The following MALL variants were observed in gnomAD, a reference collection of about 807,000 sequenced individuals.
MALL encodes the protein mal, T cell differentiation protein like.
Under a neutral mutation model 10.3 loss-of-function variants are expected in MALL, and 2 were observed. That is an observed-to-expected ratio of 0.19 (90% CI 0.08 to 0.61). The LOEUF is 0.61. MALL is among the 20% of genes least tolerant of loss of function. MALL has a pLI of 0.88. For missense variants in MALL, 39 were observed against 115.2 expected (o/e 0.34, Z 3.03); for synonymous variants, 27 against 51.8 (o/e 0.52, Z 2.05).
intron 1 of MALL, among the ~76,000 whole-genome samples, 175 bp downstream of exon 1, chr2:110,115,513 C>T (rs1479845702): frequency 2.0e-5 from 3 of 148,356 alleles, no homozygotes; most frequent in Admixed American, 1.3e-4. Flanking sequence ...CGGCGCGGTC[C>T]GGTCTGGGTC....
intron 1 of MALL, among the ~76,000 whole-genome samples, chr2:110,096,046 C>CA (rs1370000491): frequency 1.3e-5 from 2 of 152,126 alleles, no homozygotes; most frequent in Non-Finnish European, 2.9e-5. Context: ...GAGAAGCCGG[C>CA]AAAAAACGTG....
chr2:110,103,879 G>GGGCCA (rs1484310721), intron 1 of MALL, among the ~76,000 whole-genome samples: 2 of 152,164 alleles, frequency 1.3e-5, no homozygotes, highest in East Asian at 3.9e-4. Context: ...CAGGGATGCG[G>GGGCCA]GGCCAGGCCA....
intron 1 of MALL, among the ~76,000 whole-genome samples, chr2:110,114,958 G>A (rs977555993): frequency 6.6e-6 from 1 of 152,072 alleles, no homozygotes; most frequent in Non-Finnish European, 1.5e-5. Flanking sequence ...CGCTGCATAC[G>A]CACAGCTCTG....
chr2:110,105,374 T>G (rs1417857670), intron 1 of MALL, among the ~76,000 whole-genome samples: 1 of 152,222 alleles, frequency 6.6e-6, no homozygotes, highest in Non-Finnish European at 1.5e-5. Flanking sequence ...GGCCTTCCCT[T>G]TCCTCATGTT....
upstream of MALL, among the ~76,000 whole-genome samples, chr2:110,117,705 C>T (rs561215081): frequency 4.1e-4 from 62 of 151,748 alleles, no homozygotes; most frequent in African/African-American, 1.4e-3. Context: ...ATCATGGTTC[C>T]TCTGATCAGA....
intron 1 of MALL, chr2:110,097,363 C>T (rs1342186395): frequency 9.4e-6 from 4 of 427,516 alleles, no homozygotes; most frequent in Non-Finnish European, 1.4e-5. Context: ...ACCCTGTTCA[C>T]GTTTAAACTA....
intron 1 of MALL, among the ~76,000 whole-genome samples, chr2:110,092,699 GTAT>G (rs1176600468): frequency 3.1e-5 from 3 of 97,576 alleles, no homozygotes; most frequent in Non-Finnish European, 6.2e-5. Context: ...AAAACTTAAA[GTAT>G]AATAATAATA....
chr2:110,108,307 G>T (rs1194673057), intron 1 of MALL, among the ~76,000 whole-genome samples: 1 of 152,030 alleles, frequency 6.6e-6, no homozygotes, highest in African/African-American at 2.4e-5. Context: ...AGTGAAGGGA[G>T]AAATATTCAT....
intron 1 of MALL, among the ~76,000 whole-genome samples, chr2:110,114,488 G>C (rs927111108): frequency 6.6e-6 from 1 of 151,820 alleles, no homozygotes; most frequent in East Asian, 2.0e-4. Context: ...CTGGCACGTA[G>C]GACTCATCAG....
intron 1 of MALL, among the ~76,000 whole-genome samples, chr2:110,100,369 G>A (rs2104384640): frequency 6.6e-6 from 1 of 152,122 alleles, no homozygotes; most frequent in African/African-American, 2.4e-5. Context: ...TACTTGGAAG[G>A]CTGAGTGCGG....
chr2:110,112,346 C>T (rs1574037908), intron 1 of MALL, among the ~76,000 whole-genome samples: 1 of 152,188 alleles, frequency 6.6e-6, no homozygotes, highest in East Asian at 1.9e-4. Context: ...TGACAAAGGT[C>T]TAATATTCAG....
intron 1 of MALL, among the ~76,000 whole-genome samples, chr2:110,113,752 A>G (rs1364775677): frequency 1.3e-5 from 2 of 152,034 alleles, no homozygotes; most frequent in Non-Finnish European, 2.9e-5. Context: ...AATTAGCAAA[A>G]CTGGAGTAAG....
upstream of MALL, among the ~76,000 whole-genome samples, chr2:110,117,559 G>C (rs1395324225): frequency 1.3e-5 from 2 of 150,400 alleles, no homozygotes; most frequent in Non-Finnish European, 2.9e-5. Flanking sequence ...CATCTCTTCT[G>C]ACTGGGTCTA....
rs199685565 is a variant in MALL at position 110,115,755 on chromosome 2, G to T, written c.38C>A (p.Pro13Gln). The T allele has an allele frequency of 3.9e-6, 5 of 1,289,198 alleles. No individual in the cohort carries two copies. Among genetic ancestry groups the T allele is most frequent in the East Asian group, 2.9e-5 (1 of 34,250 alleles). 79.9% of individuals were successfully genotyped at this position (1,289,198 alleles called of 1,614,324 possible). A position where few individuals can be genotyped will look rare whatever the true frequency, so the allele number is the denominator to read the frequency against. ...CGCGACCCCCGAGGGCACGTCGGAC[G>T]GGGCGTAGCTGGTGGCGGGCGGGTC... ...SPDPPATSYA[P>Q]SDVPSGVALF... The change falls in exon 1 of 4, where the codon CCG becomes CAG. Residue 13 changes from proline (P) to glutamine (Q), a missense_variant. Physicochemically the swap from Pro to Gln is moderately conservative, Grantham distance 76 (BLOSUM62 -1). Transcript: ENST00000272462.
At chr2:110,092,741 A>G (rs1170356201) in intron 1 of MALL, among the ~76,000 whole-genome samples, 1 of 128,506 alleles carries the variant, frequency 7.8e-6, no homozygotes, top group South Asian at 2.4e-4. Flanking sequence ...ATAATAAAGA[A>G]ATGCTTCTCT....
upstream of MALL, among the ~76,000 whole-genome samples, chr2:110,116,945 C>A (rs1678932980): frequency 6.6e-6 from 1 of 152,140 alleles, no homozygotes; most frequent in Admixed American, 6.5e-5. Context: ...ACGGTGAATG[C>A]CAGGTCCTGC....
intron 1 of MALL, among the ~76,000 whole-genome samples, chr2:110,108,784 T>G (rs1678745964): frequency 6.6e-6 from 1 of 152,204 alleles, no homozygotes; most frequent in Admixed American, 6.5e-5. Context: ...TTAAGAGCTG[T>G]GAGACAAAAG....
chr2:110,107,202 A>G (rs375246544), intron 1 of MALL, among the ~76,000 whole-genome samples: 75 of 152,258 alleles, frequency 4.9e-4, no homozygotes, highest in East Asian at 2.3e-3. Context: ...GGAGCCCCCA[A>G]GTACCAAGGG....
chr2:110,115,536 C>T, intron 1 of MALL, 152 bp downstream of exon 1: 2 of 263,022 alleles, frequency 7.6e-6, no homozygotes, highest in Non-Finnish European at 1.3e-5. Context: ...AGGCCGGTCT[C>T]CCCCCCCCTC....
Sources: allele counts gnomAD v4.1 joint callset (sites outside exome capture counted in the v4.1 genomes callset), GRCh38; gene constraint gnomAD v4.1.1; transcripts MANE v1.5; gene names NCBI Gene and HGNC (gene_info 2026-07-23, HGNC 2026-07-21).